ROBO1: variants seen among roughly 807,000 people sequenced by gnomAD.
ROBO1 encodes roundabout homolog 1.
ROBO1 carries 149 observed loss-of-function variants against 195.9 expected under a neutral mutation model. That is an observed-to-expected ratio of 0.76 (90% confidence interval 0.67 to 0.87). The LOEUF (loss-of-function observed/expected upper bound fraction) is 0.87. ROBO1 is among the 40% of genes least tolerant of loss of function. The pLI is 0.00. For synonymous variants in ROBO1, 816 were observed against 733.2 expected, an observed-to-expected ratio of 1.11 and a Z score of -1.82; for missense variants, 1,933 against 2,068.3, an observed-to-expected ratio of 0.93 and a Z score of 1.27.
At chr3:78,700,247 G>C (rs538146469) in intron 8 of ROBO1, among the ~76,000 whole-genome samples, 1 of 152,110 alleles carries the variant, frequency 6.6e-6, no homozygotes, top group African/African-American at 2.4e-5. Context: ...ATAGATATTT[G>C]TGTGTATCTC....
chr3:79,269,831 C>T (rs1216974260), intron 2 of ROBO1, among the ~76,000 whole-genome samples: 1 of 151,666 alleles, frequency 6.6e-6, no homozygotes, highest in African/African-American at 2.4e-5. Flanking sequence ...CTGAAAGATC[C>T]ATTTCCCCCC....
At chr3:79,463,290 G>C (rs1321147751) in intron 2 of ROBO1, among the ~76,000 whole-genome samples, 3 of 151,890 alleles carry the variant, frequency 2.0e-5, no homozygotes, top group African/African-American at 7.3e-5. Context: ...CAGGAGAATG[G>C]CGTGAACCCA....
chr3:79,102,999 A>T (rs1460045116), intron 3 of ROBO1, among the ~76,000 whole-genome samples: 1 of 151,840 alleles, frequency 6.6e-6, no homozygotes, highest in Non-Finnish European at 1.5e-5. Flanking sequence ...TGAAAAGGAA[A>T]CAATCGAAGA....
chr3:78,900,496 A>C (rs1391570092), intron 4 of ROBO1, among the ~76,000 whole-genome samples: 1 of 152,162 alleles, frequency 6.6e-6, no homozygotes, highest in Non-Finnish European at 1.5e-5. Flanking sequence ...TCTTAATAAA[A>C]ATGCTGGCTG....
chr3:79,250,440 A>C (rs779224643), intron 2 of ROBO1, among the ~76,000 whole-genome samples: 2 of 152,168 alleles, frequency 1.3e-5, no homozygotes, highest in Non-Finnish European at 2.9e-5. Context: ...CACCAAAAGG[A>C]CTTTTTGTAT....
At chr3:79,063,096 T>C (rs2078948628) in intron 3 of ROBO1, among the ~76,000 whole-genome samples, 1 of 151,966 alleles carries the variant, frequency 6.6e-6, no homozygotes, top group South Asian at 2.1e-4. Flanking sequence ...CTGCTGCAAC[T>C]ACACAACTCT....
chr3:79,418,104 A>G (rs1253961650), intron 2 of ROBO1, among the ~76,000 whole-genome samples: 1 of 152,152 alleles, frequency 6.6e-6, no homozygotes, highest in Non-Finnish European at 1.5e-5. Context: ...GAACATCAGC[A>G]TGGTGGAATA....
intron 2 of ROBO1, among the ~76,000 whole-genome samples, chr3:79,534,733 A>G (rs993414605): frequency 2.0e-5 from 3 of 152,100 alleles, no homozygotes; most frequent in Non-Finnish European, 4.4e-5. Flanking sequence ...CTGCCAATCC[A>G]TCTATTGGCA....
chr3:78,992,915 C>A (rs1035508638), intron 3 of ROBO1, among the ~76,000 whole-genome samples: 1 of 152,032 alleles, frequency 6.6e-6, no homozygotes, highest in Non-Finnish European at 1.5e-5. Context: ...GCTGAAGCAG[C>A]AGTAAGGACA....
intron 3 of ROBO1, among the ~76,000 whole-genome samples, chr3:78,989,532 T>C (rs2077187628): frequency 6.6e-6 from 1 of 152,162 alleles, no homozygotes; most frequent in Non-Finnish European, 1.5e-5. Context: ...GAGGATCACC[T>C]GAGCCCAGGA....
chr3:79,609,038 C>T (rs913436249), intron 1 of ROBO1, among the ~76,000 whole-genome samples: 2 of 151,912 alleles, frequency 1.3e-5, no homozygotes, highest in African/African-American at 4.8e-5. Context: ...CTTTTGACTT[C>T]TGCCATGTAA....
At chr3:79,125,684 C>T (rs1404150141) in intron 2 of ROBO1, 145 bp from the exon 3 acceptor site, 16 of 658,038 alleles carry the variant, frequency 2.4e-5, no homozygotes, top group Non-Finnish European at 3.9e-5. Flanking sequence ...TCATCCTTGC[C>T]CCTCCTGCGG....
chr3:79,427,721 G>A (rs1170312720), intron 2 of ROBO1, among the ~76,000 whole-genome samples: 1 of 152,160 alleles, frequency 6.6e-6, no homozygotes, highest in African/African-American at 2.4e-5. Flanking sequence ...GTGGTGTTGG[G>A]AAAACTGGAT....
At position 78,606,783 on chromosome 3, in the gene ROBO1, T is replaced by C. The variant is rs1383050067; in HGVS notation, c.4694A>G (p.Asn1565Ser). Residue 1565 changes from asparagine (N) to serine (S), a missense_variant, in exon 29 of 31, where the codon AAC (asparagine) becomes AGC (serine). Physicochemically the swap from Asn to Ser is conservative, Grantham distance 46 (BLOSUM62 1). Around this residue, in one of 3 missense-constraint regions of ROBO1, gnomAD observed 1,737 missense variants for 1,882.5 expected, o/e 0.92. Transcript: ENST00000464233. Reference sequence around the variant, plus strand: ...TGGAAGGTCTCGTTTTGCTGCCTTGTTTCCACGTCCTTTCCCGTCATTTTG... The same window carrying C: ...TGGAAGGTCTCGTTTTGCTGCCTTGCTTCCACGTCCTTTCCCGTCATTTTG... Reference protein sequence around the residue: ...EQQNDGKGRGNKAAKRDLPPA... With the variant: ...EQQNDGKGRGSKAAKRDLPPA... 2.3e-5 allele frequency: 37 copies of C among 1,613,850 alleles called. No individual in the cohort carries two copies. Among genetic ancestry groups the C allele is most frequent in the Non-Finnish European group, 3.1e-5 (36 of 1,179,888 alleles).
chr3:79,456,856 T>A (rs2039634120), intron 2 of ROBO1, among the ~76,000 whole-genome samples: 1 of 152,172 alleles, frequency 6.6e-6, no homozygotes, highest in South Asian at 2.1e-4. Context: ...TACACCAAAT[T>A]TGCCCCTAAA....
chr3:79,719,954 G>A (rs1275946112), intron 1 of ROBO1, among the ~76,000 whole-genome samples: 1 of 152,148 alleles, frequency 6.6e-6, no homozygotes, highest in Non-Finnish European at 1.5e-5. Flanking sequence ...GTTGGGTAAA[G>A]ACTAGAGACT....
chr3:78,715,790 CCTCCCAAAGTG>C (rs1436820114), intron 7 of ROBO1, among the ~76,000 whole-genome samples: 2 of 152,210 alleles, frequency 1.3e-5, no homozygotes, highest in Non-Finnish European at 2.9e-5. Flanking sequence ...CCCTCCTCGG[CCTCCCAAAGTG>C]CTCAGATTGC....
At chr3:78,988,334 G>A (rs1439076515) in intron 3 of ROBO1, among the ~76,000 whole-genome samples, 1 of 152,100 alleles carries the variant, frequency 6.6e-6, no homozygotes, top group Non-Finnish European at 1.5e-5. Flanking sequence ...TCTCTGTCTG[G>A]TGCAATTTTA....
At chr3:78,947,431 A>C (rs1049726538) in intron 3 of ROBO1, among the ~76,000 whole-genome samples, 5 of 152,160 alleles carry the variant, frequency 3.3e-5, no homozygotes, top group African/African-American at 4.8e-5. Flanking sequence ...CTACTGGGTA[A>C]ATAATGAAAC....
Sources: allele counts gnomAD v4.1 joint callset (sites outside exome capture counted in the v4.1 genomes callset), GRCh38; gene constraint gnomAD v4.1.1; regional missense constraint gnomAD v4.1.1; transcripts MANE v1.5; gene names NCBI Gene and HGNC (gene_info 2026-07-23, HGNC 2026-07-21).